The following SH2D3C variants were observed in gnomAD, a reference collection of about 807,000 sequenced individuals.
SH2D3C encodes SH2 domain containing 3C.
In SH2D3C, 25 loss-of-function variants were observed where a neutral mutation model predicts 75.2. The ratio of observed to expected loss-of-function variants is 0.33; its 90% confidence interval spans 0.24 to 0.46. SH2D3C has a LOEUF of 0.46. Ranked by LOEUF, SH2D3C falls within the 20% of genes least tolerant of loss-of-function variation. The pLI is 1.00. For synonymous variants in SH2D3C, 450 were observed against 473.7 expected, an observed-to-expected ratio of 0.95 and a Z score of 0.65; for missense variants, 933 against 1,165.3, an observed-to-expected ratio of 0.80 and a Z score of 2.90.
intron 2 of SH2D3C, 113 bp downstream of exon 2, chr9:127,773,877 C>T: frequency 1.5e-6 from 1 of 655,150 alleles, no homozygotes; most frequent in Non-Finnish European, 2.6e-6. Context: ...GGGATCACAC[C>T]ACTGCACTCC....
intron 2 of SH2D3C, among the ~76,000 whole-genome samples, chr9:127,769,690 A>G (rs191707990): frequency 3.2e-4 from 48 of 152,142 alleles, no homozygotes; most frequent in Non-Finnish European, 6.8e-4. Context: ...AAGAAAAAAC[A>G]AAAGAAAAAC....
chr9:127,762,095 A>C (rs1588516819), intron 2 of SH2D3C: 1 of 481,498 alleles, frequency 2.1e-6, no homozygotes, highest in Non-Finnish European at 2.6e-6. Context: ...GGAGGGCCCC[A>C]AGTGGGGATC....
At chr9:127,748,777 G>T (rs367945762) in intron 5 of SH2D3C, among the ~76,000 whole-genome samples, 3 of 152,324 alleles carry the variant, frequency 2.0e-5, no homozygotes, top group African/African-American at 7.2e-5. Flanking sequence ...CCTGTGCAGT[G>T]ATTTGCATGC....
Position 127,740,317 on chromosome 9 carries a change from C to A in SH2D3C, c.2141G>T (p.Gly714Val), listed in dbSNP as rs764884922. ...WVTLRQRHTE[G>V]AILYEKKLKP... ...GAGCTTCTTCTCGTACAGGATGGCA[C>A]CCTCTGTGTGTCGCTGCCGCAGGGT... The change falls in exon 10 of 12, where the codon GGT becomes GTT. Residue 714 changes from glycine to valine, a missense_variant. Coordinates refer to ENST00000314830, the MANE Select transcript of SH2D3C (RefSeq NM_170600.3). 6 of 1,614,048 alleles carry A rather than the reference C, an allele frequency of 3.7e-6. No homozygotes were observed. The highest frequency in any genetic ancestry group is 4.5e-5 in the East Asian group (2 of 44,904).
chr9:127,773,623 T>C (rs752342382), intron 2 of SH2D3C, among the ~76,000 whole-genome samples: 5 of 152,112 alleles, frequency 3.3e-5, no homozygotes, highest in Non-Finnish European at 5.9e-5. Flanking sequence ...TAGGTTTTTT[T>C]CTTTTTAACC....
chr9:127,778,090 C>T (rs1156582795), intron 1 of SH2D3C, among the ~76,000 whole-genome samples: 6 of 152,004 alleles, frequency 3.9e-5, no homozygotes, highest in Non-Finnish European at 7.4e-5. Flanking sequence ...TGGGTTCAAG[C>T]GTTTCTTCTG....
At chr9:127,761,732 C>T in intron 2 of SH2D3C, 82 bp from the exon 3 acceptor site, 1 of 1,194,474 alleles carries the variant, frequency 8.4e-7, no homozygotes. Flanking sequence ...TGCCTGGGGC[C>T]AGCACCTGGC....
At position 127,745,049 on chromosome 9, in the gene SH2D3C, C is replaced by T. The variant is rs1253270433; in HGVS notation, c.1315G>A (p.Ala439Thr). ...CTGGAACGGCGGGCGACAGGGGAGGCAGGCAATGCTGTGGCAGAAGGGGCT... is the reference window on the plus strand; with the variant it reads ...CTGGAACGGCGGGCGACAGGGGAGGTAGGCAATGCTGTGGCAGAAGGGGCT... ...PAAPSATALPASPVARRSSEP... is the reference protein window; with the variant it reads ...PAAPSATALPTSPVARRSSEP... The change falls in exon 7 of 12, where the codon GCC (alanine) becomes ACC (threonine). Residue 439 changes from alanine to threonine, a missense_variant. By Grantham distance (58) the Ala-to-Thr change is moderately conservative. Transcript: ENST00000314830. 2 of 1,510,424 alleles carry T rather than the reference C, an allele frequency of 1.3e-6. No homozygotes were observed. Among genetic ancestry groups the T allele is most frequent in the South Asian group, 1.4e-5 (1 of 73,836 alleles). The allele number at this position is 1,510,424 out of a possible 1,614,324, so 93.6% of individuals were successfully genotyped here. A position where few individuals can be genotyped will look rare whatever the true frequency, so the allele number is the denominator to read the frequency against.
In SH2D3C at chr9:127,741,398, G is replaced by A. The variant is rs1348117558; in HGVS notation, c.2088+390C>T. Among the ~76,000 whole-genome samples the A allele has an allele frequency of 2.0e-5, 3 of 151,908 alleles. No individual in the cohort carries two copies. In the South Asian group the frequency reaches 6.2e-4, roughly 32 times the overall value. ...TGGGATTACAGGTGCGCACCACCAC[G>A]CCCGGCTTTTTGTACTTTTTAGTAG... On this transcript the variant is annotated intron_variant, in intron 9 of 11. Coordinates refer to ENST00000314830, the MANE Select transcript of SH2D3C (RefSeq NM_170600.3).
At chr9:127,771,445 G>A in intron 2 of SH2D3C, 1 of 1,181,684 alleles carries the variant, frequency 8.5e-7, no homozygotes, top group South Asian at 2.1e-5. Flanking sequence ...CCTCGAACAC[G>A]GCCCTCCGCC....
chr9:127,740,742 G>A (rs920529140), intron 9 of SH2D3C, among the ~76,000 whole-genome samples: 1 of 152,198 alleles, frequency 6.6e-6, no homozygotes, highest in Non-Finnish European at 1.5e-5. Flanking sequence ...GTGCAGTGGC[G>A]CAATCTCGGC....
At position 127,739,722 on chromosome 9, in the gene SH2D3C, G is replaced by A. The variant is rs1299006964; in HGVS notation, c.2367C>T (p.His789=). 3.7e-6 allele frequency: 6 copies of A among 1,610,778 alleles called. No individual in the cohort carries two copies. In the South Asian group the frequency reaches 4.4e-5, roughly 12 times the overall value. ...HLEAARTVAH[H]GGLYHTNAEV... Reference sequence around the variant, plus strand: ...CAGCATTGGTGTGGTACAGGCCTCCGTGGTGTGCCACTGTGCGGGCGGCCT... The same window carrying A: ...CAGCATTGGTGTGGTACAGGCCTCCATGGTGTGCCACTGTGCGGGCGGCCT... Residue 789 remains histidine, a synonymous_variant, in exon 11 of 12, where the codon CAC becomes CAT. Coordinates refer to ENST00000314830, the MANE Select transcript of SH2D3C (RefSeq NM_170600.3). This position sits in a 1 kb window ranked among gnomAD's most constrained non-coding sequence, Gnocchi z 4.3.
Position 127,744,596 on chromosome 9 carries a change from G to C in SH2D3C, c.1768C>G (p.Leu590Val). Residue 590 changes from leucine (L) to valine (V), a missense_variant, in exon 7 of 12, where the codon CTG becomes GTG. Coordinates refer to ENST00000314830, the MANE Select transcript of SH2D3C (RefSeq NM_170600.3). ...ELLAEVDART[L>V]ARHVTKVDCL... Reference sequence around the variant, plus strand: ...TCCACCTTGGTGACATGCCGGGCCAGCGTCCGGGCATCCACTTCTGCCAGC... The same window carrying C: ...TCCACCTTGGTGACATGCCGGGCCACCGTCCGGGCATCCACTTCTGCCAGC... 1 of 1,612,010 alleles carries C rather than the reference G, an allele frequency of 6.2e-7. No individual in the cohort carries two copies. The highest frequency in any genetic ancestry group is 8.5e-7 in the Non-Finnish European group (1 of 1,178,246).
intron 3 of SH2D3C, among the ~76,000 whole-genome samples, chr9:127,758,725 C>T (rs1845454981): frequency 6.6e-6 from 1 of 152,238 alleles, no homozygotes; most frequent in East Asian, 1.9e-4. Flanking sequence ...GCATTTCATA[C>T]ATGGAGAGAT....
chr9:127,747,061 C>T, intron 6 of SH2D3C, 86 bp downstream of exon 6: 13 of 1,426,090 alleles, frequency 9.1e-6, no homozygotes, highest in South Asian at 4.0e-5. Context: ...ATAAAAGAGG[C>T]GGAAACACAC....
intron 3 of SH2D3C, among the ~76,000 whole-genome samples, chr9:127,757,694 C>G (rs1371154026): frequency 6.7e-6 from 1 of 150,244 alleles, no homozygotes; most frequent in Non-Finnish European, 1.5e-5. Context: ...CGCTCCATCA[C>G]CCAGGCTGGA....
chr9:127,773,254 T>A (rs1845763362), intron 2 of SH2D3C, among the ~76,000 whole-genome samples: 1 of 152,170 alleles, frequency 6.6e-6, no homozygotes, highest in South Asian at 2.1e-4. Context: ...CAAATTAAGC[T>A]GACAAATGGT....
chr9:127,739,552 G>A lies in SH2D3C; in HGVS notation c.2407+130C>T. On this transcript the variant is annotated intron_variant, in intron 11 of 11. Coordinates refer to ENST00000314830, the MANE Select transcript of SH2D3C (RefSeq NM_170600.3). The surrounding 1 kb of genome is among the most constrained non-coding windows in gnomAD (Gnocchi z 4.3). ...GAAAAGAAAAGACATGAGAGGAAGG[G>A]GTCAGGGAGACAGGGCAGGACAGAG... is the stretch of plus-strand genomic sequence containing the variant. 1 of 717,478 alleles carries A rather than the reference G, an allele frequency of 1.4e-6. No individual in the cohort carries two copies. The highest frequency in any genetic ancestry group is 3.0e-5 in the East Asian group (1 of 33,348). 44.4% of individuals were successfully genotyped at this position (717,478 alleles called of 1,614,324 possible). A position where few individuals can be genotyped will look rare whatever the true frequency, so the allele number is the denominator to read the frequency against.
intron 6 of SH2D3C, among the ~76,000 whole-genome samples, chr9:127,745,455 CTTTTTTTTTTT>C (rs1190107937): frequency 1.8e-5 from 2 of 109,554 alleles, no homozygotes; most frequent in African/African-American, 4.6e-5. Context: ...TAATGATTTC[CTTTTTTTTTTT>C]TTTTTTTTTT....
Sources: gnomAD v4.1 joint callset for allele counts (sites outside exome capture counted in the v4.1 genomes callset) on GRCh38, gnomAD v4.1.1 for gene constraint, Gnocchi (gnomAD v3.1) non-coding constraint, MANE v1.5 for transcripts, NCBI Gene and HGNC (gene_info 2026-07-23, HGNC 2026-07-21) for gene names.